The following NTN1 variants were observed in gnomAD, a reference collection of about 807,000 sequenced individuals.
The protein encoded by NTN1 is netrin-1.
A neutral mutation model predicts 54.2 loss-of-function variants in NTN1; 11 were observed. The observed-to-expected ratio is 0.20, with a 90% confidence interval of 0.13 to 0.34. The LOEUF (loss-of-function observed/expected upper bound fraction) is 0.34. Ranked by LOEUF, NTN1 falls within the 10% of genes least tolerant of loss-of-function variation. The pLI, the probability that NTN1 is intolerant of heterozygous loss-of-function variation, is 1.00. For synonymous variants in NTN1, 371 were observed against 382.0 expected, an observed-to-expected ratio of 0.97 and a Z score of 0.33; for missense variants, 740 against 893.1, an observed-to-expected ratio of 0.83 and a Z score of 2.18.
intron 6 of NTN1, among the ~76,000 whole-genome samples, chr17:9,224,000 T>C (rs1172715708): frequency 6.6e-6 from 1 of 151,814 alleles, no homozygotes; most frequent in Non-Finnish European, 1.5e-5. Flanking sequence ...AGCTACACTG[T>C]GGAGAGGCAG....
chr17:9,178,347 AC>A (rs2092407312), intron 3 of NTN1, among the ~76,000 whole-genome samples: 1 of 151,520 alleles, frequency 6.6e-6, no homozygotes, highest in Non-Finnish European at 1.5e-5. Flanking sequence ...TGATGGGGGC[AC>A]CCCCAGCCCT....
upstream of NTN1, among the ~76,000 whole-genome samples, chr17:9,016,709 C>T (rs1022641164): frequency 2.0e-5 from 3 of 152,172 alleles, no homozygotes; most frequent in African/African-American, 7.2e-5. Context: ...CTTTCTTTGG[C>T]ATTGTCGCCC....
At chr17:9,044,518 G>A (rs2091934981) in intron 2 of NTN1, among the ~76,000 whole-genome samples, 1 of 152,118 alleles carries the variant, frequency 6.6e-6, no homozygotes, top group Non-Finnish European at 1.5e-5. Context: ...TTATAGACAT[G>A]AGCCACCACA....
intron 2 of NTN1, among the ~76,000 whole-genome samples, chr17:9,137,614 G>A (rs1049795431): frequency 6.6e-6 from 1 of 152,148 alleles, no homozygotes; most frequent in African/African-American, 2.4e-5. Flanking sequence ...CCAACATGGT[G>A]AAACCCTGTC....
At chr17:9,145,103 G>A (rs1037014930) in intron 2 of NTN1, among the ~76,000 whole-genome samples, 2 of 152,332 alleles carry the variant, frequency 1.3e-5, no homozygotes, top group Non-Finnish European at 2.9e-5. Context: ...ACTCTGGAGG[G>A]AAATTTACTG....
chr17:9,107,490 A>G (rs935251042), intron 2 of NTN1, among the ~76,000 whole-genome samples: 1 of 152,198 alleles, frequency 6.6e-6, no homozygotes, highest in African/African-American at 2.4e-5. Context: ...GGGGTGCGGG[A>G]GGAACGCTGT....
At chr17:9,117,721 G>A (rs1444103029) in intron 2 of NTN1, among the ~76,000 whole-genome samples, 2 of 148,002 alleles carry the variant, frequency 1.4e-5, no homozygotes, top group Non-Finnish European at 3.0e-5. Flanking sequence ...TCCAGCCTGG[G>A]AGACAGGGCA....
intron 3 of NTN1, among the ~76,000 whole-genome samples, chr17:9,167,130 C>T (rs1307804429): frequency 6.6e-6 from 1 of 152,182 alleles, no homozygotes; most frequent in Admixed American, 6.5e-5. Flanking sequence ...AGTGCGATTT[C>T]ACAGCACTGG....
At chr17:9,172,523 G>A (rs536231392) in intron 3 of NTN1, among the ~76,000 whole-genome samples, 19 of 152,198 alleles carry the variant, frequency 1.2e-4, no homozygotes, top group African/African-American at 4.3e-4. Context: ...CAGATGAAGA[G>A]AAGATACTTG....
chr17:9,052,867 C>G (rs1176763749), intron 2 of NTN1, among the ~76,000 whole-genome samples: 1 of 152,340 alleles, frequency 6.6e-6, no homozygotes, highest in South Asian at 2.1e-4. Context: ...ACACAGAGCC[C>G]CCGGGCAGAG....
upstream of NTN1, among the ~76,000 whole-genome samples, chr17:9,017,954 G>A (rs2091835228): frequency 6.6e-6 from 1 of 152,188 alleles, no homozygotes; most frequent in African/African-American, 2.4e-5. Context: ...ATTTTGCCCA[G>A]AAGAGATAAA....
In NTN1 at chr17:9,047,348, T is replaced by A. The variant is rs527613606; in HGVS notation, c.1018+23957T>A. ...TGGAGTCGATCCTCTCAAACCCTGCTGCTGCTATATCAAATAAGTTGATGG... is the reference window on the plus strand; with the variant it reads ...TGGAGTCGATCCTCTCAAACCCTGCAGCTGCTATATCAAATAAGTTGATGG... On this transcript the variant is annotated intron_variant, in intron 2 of 6. Transcript: ENST00000173229. Among the ~76,000 whole-genome samples the A allele has an allele frequency of 2.0e-5, 3 of 152,396 alleles. No individual in the cohort carries two copies. The South Asian group carries it at 6.2e-4, about 32-fold the overall frequency.
intron 2 of NTN1, among the ~76,000 whole-genome samples, chr17:9,074,597 T>C (rs1048631108): frequency 5.9e-5 from 9 of 152,196 alleles, no homozygotes; most frequent in Non-Finnish European, 1.3e-4. Flanking sequence ...CCTGTCCACT[T>C]TAGGAGCCAC....
At chr17:9,162,577 C>T (rs1456858805) in intron 2 of NTN1, among the ~76,000 whole-genome samples, 1 of 152,222 alleles carries the variant, frequency 6.6e-6, no homozygotes, top group Admixed American at 6.5e-5. Context: ...CTGGGGGTCA[C>T]GGCTTCAACA....
At chr17:9,168,308 G>A (rs1371680799) in intron 3 of NTN1, among the ~76,000 whole-genome samples, 2 of 152,160 alleles carry the variant, frequency 1.3e-5, no homozygotes, top group African/African-American at 4.8e-5. Context: ...CACGGCGGGC[G>A]GATTACCTGA....
chr17:9,024,417 T>G (rs1318620639), intron 2 of NTN1, among the ~76,000 whole-genome samples: 1 of 152,240 alleles, frequency 6.6e-6, no homozygotes, highest in Non-Finnish European at 1.5e-5. Flanking sequence ...TCTGTAAATG[T>G]CCCATTTGGT....
intron 5 of NTN1, among the ~76,000 whole-genome samples, chr17:9,213,468 G>A (rs1170787430): frequency 3.3e-5 from 5 of 152,208 alleles, no homozygotes; most frequent in Non-Finnish European, 5.9e-5. Context: ...AGTATGTCCT[G>A]GCAGGGTGGA....
At chr17:9,085,522 T>C (rs1265479919) in intron 2 of NTN1, among the ~76,000 whole-genome samples, 3 of 152,174 alleles carry the variant, frequency 2.0e-5, no homozygotes, top group Non-Finnish European at 4.4e-5. Flanking sequence ...TAAAAGGAAG[T>C]GGAGGATGGA....
intron 2 of NTN1, among the ~76,000 whole-genome samples, chr17:9,118,625 C>T (rs1044551020): frequency 2.6e-5 from 4 of 152,202 alleles, no homozygotes; most frequent in African/African-American, 7.2e-5. Flanking sequence ...TACCCATCAG[C>T]ACTCAGTCCC....
Sources: gnomAD v4.1 joint callset for allele counts (sites outside exome capture counted in the v4.1 genomes callset) on GRCh38, gnomAD v4.1.1 for gene constraint, MANE v1.5 for transcripts, NCBI Gene and HGNC (gene_info 2026-07-23, HGNC 2026-07-21) for gene names.